The following ILKAP variants were observed in gnomAD, a reference collection of about 807,000 sequenced individuals.
ILKAP encodes integrin-linked kinase-associated serine/threonine phosphatase 2C.
Under a neutral mutation model 49.1 loss-of-function variants are expected in ILKAP, and 11 were observed. The observed-to-expected ratio is 0.22, with a 90% confidence interval of 0.14 to 0.37. The LOEUF is 0.37. Among genes scored for constraint, ILKAP ranks in the 10% least tolerant of loss-of-function variants. The probability of loss-of-function intolerance (pLI) is 1.00; values close to 1 mark genes in which losing one functional copy is unlikely to be tolerated. For synonymous variants in ILKAP, 186 were observed against 192.8 expected (o/e 0.96, Z 0.29); for missense variants, 363 against 510.8 (o/e 0.71, Z 2.79).
chr2:238,183,838 T>C, intron 7 of ILKAP, 98 bp from the exon 8 acceptor site: 1 of 1,031,192 alleles, frequency 9.7e-7, no homozygotes, highest in Non-Finnish European at 1.5e-6. Context: ...TATTTCAAAA[T>C]GAACCATTTC....
In ILKAP at chr2:238,203,664, G is replaced by C; in HGVS notation, c.-111C>G. 1 of 517,084 alleles carries C rather than the reference G, an allele frequency of 1.9e-6. No homozygotes were observed. The highest frequency in any genetic ancestry group is 2.1e-5 in the African/African-American group (1 of 48,252). 32.0% of individuals were successfully genotyped at this position (517,084 alleles called of 1,614,324 possible). A position where few individuals can be genotyped will look rare whatever the true frequency, so the allele number is the denominator to read the frequency against. On this transcript the variant is annotated 5_prime_UTR_variant, in exon 1 of 12. Coordinates refer to ENST00000254654, the MANE Select transcript of ILKAP (RefSeq NM_030768.3). ...CAGCGGGCGGGCGACGGGCAGGGGC[G>C]GCCGGCGCCGTCAGTCACCTGCAGG...
chr2:238,189,132 C>A (rs1462468315), intron 4 of ILKAP, among the ~76,000 whole-genome samples: 1 of 152,118 alleles, frequency 6.6e-6, no homozygotes, highest in Admixed American at 6.6e-5. Flanking sequence ...TCCTGGCTAA[C>A]ATGGTGAAAC....
intron 1 of ILKAP, among the ~76,000 whole-genome samples, chr2:238,200,146 C>A (rs1346152094): frequency 6.6e-6 from 1 of 152,202 alleles, no homozygotes. Context: ...ATCAGGTCGG[C>A]ACTTTTATGG....
intron 1 of ILKAP, among the ~76,000 whole-genome samples, chr2:238,201,955 T>C (rs1193772627): frequency 2.0e-5 from 3 of 152,194 alleles, no homozygotes; most frequent in African/African-American, 7.2e-5. Flanking sequence ...CAGGGCACGG[T>C]GGCTCACACC....
intron 9 of ILKAP, among the ~76,000 whole-genome samples, chr2:238,175,446 A>C (rs1019544543): frequency 1.3e-5 from 2 of 152,182 alleles, no homozygotes; most frequent in Admixed American, 1.3e-4. Flanking sequence ...GAACTGCTAG[A>C]GTAACAGGAG....
In ILKAP at chr2:238,175,808, G is replaced by A. The variant is rs1336306164; in HGVS notation, c.837-2155C>T. On this transcript the variant is annotated intron_variant, in intron 9 of 11. Coordinates refer to ENST00000254654, the MANE Select transcript of ILKAP (RefSeq NM_030768.3). Reference sequence around the variant, plus strand: ...TTTTGTTTTTAAGAGAAAAGGTCCTGCTATGTTGCCCAGACTGGAGTGCAG... The same window carrying A: ...TTTTGTTTTTAAGAGAAAAGGTCCTACTATGTTGCCCAGACTGGAGTGCAG... 2.0e-5 allele frequency among the ~76,000 whole-genome samples: 3 copies of A among 152,148 alleles called. No individual in the cohort carries two copies. The East Asian group carries it at 5.8e-4, about 29-fold the overall frequency.
At chr2:238,183,536 C>T (rs762572037) in intron 8 of ILKAP, 117 bp downstream of exon 8, 34 of 747,008 alleles carry the variant, frequency 4.6e-5, no homozygotes, top group Non-Finnish European at 6.7e-5. Flanking sequence ...GCAGCAACCC[C>T]AGAAGAAAGG....
chr2:238,181,780 G>A (rs1054691769), intron 9 of ILKAP, among the ~76,000 whole-genome samples: 5 of 152,110 alleles, frequency 3.3e-5, no homozygotes, highest in Non-Finnish European at 5.9e-5. Flanking sequence ...CCGCCACCAC[G>A]AAAAGTGACA....
At chr2:238,175,864 A>G (rs557768123) in intron 9 of ILKAP, among the ~76,000 whole-genome samples, 1 of 151,868 alleles carries the variant, frequency 6.6e-6, no homozygotes, top group East Asian at 1.9e-4. Flanking sequence ...GGCGCATTAT[A>G]GCTTCAAGCT....
chr2:238,181,710 C>T (rs764205703), intron 9 of ILKAP, among the ~76,000 whole-genome samples: 2 of 151,584 alleles, frequency 1.3e-5, no homozygotes, highest in African/African-American at 4.8e-5. Context: ...GCAAGCTCCG[C>T]CTCCCAGGTT....
Position 238,170,585 on chromosome 2 carries a change from C to G in ILKAP, c.1130G>C (p.Arg377Pro), listed in dbSNP as rs746328109. The G allele has an allele frequency of 6.2e-7, 1 of 1,608,192 alleles. No individual in the cohort carries two copies. The part of the protein sequence containing the change: ...CNRLANKAVQ[R>P]GSADNVTVMV... The stretch of plus-strand genomic sequence containing the variant: ...CACAGTGACGTTGTCGGCCGAGCCC[C>G]GCTGCACCGCCTTGTTGGCCAGCCT... Residue 377 changes from arginine (R) to proline (P), a missense_variant, in exon 12 of 12, where the codon CGG becomes CCG. Physicochemically the swap from Arg to Pro is moderately radical, Grantham distance 103 (BLOSUM62 -2). Transcript: ENST00000254654.
At chr2:238,193,651 A>G (rs62194900) in intron 3 of ILKAP, among the ~76,000 whole-genome samples, 42,251 of 152,174 alleles carry the variant, frequency 0.28, 6,263 homozygotes, top group South Asian at 0.37. Flanking sequence ...GAATTCTTAT[A>G]TAAGATGACT....
At chr2:238,179,099 A>G (rs1020113278) in intron 9 of ILKAP, among the ~76,000 whole-genome samples, 2 of 152,210 alleles carry the variant, frequency 1.3e-5, no homozygotes, top group African/African-American at 4.8e-5. Flanking sequence ...CACTGCACCC[A>G]GCCTGGATTT....
At position 238,170,958 on chromosome 2, in the gene ILKAP, G is replaced by C; in HGVS notation, c.1023C>G (p.Ile341Met). The change falls in exon 11 of 12, where the codon ATC (isoleucine) becomes ATG (methionine). Residue 341 changes from isoleucine to methionine, a missense_variant. Ile to Met is a conservative substitution (Grantham distance 10). Around this residue, in one of 3 missense-constraint regions of ILKAP, gnomAD observed 83 missense variants for 87.5 expected, o/e 0.95. Transcript: ENST00000254654. ...GATTTCTCACCTCGAGACAGGACAA[G>C]ATGAAGTTCACGGCTTCTTCTGGGG... Reference protein sequence around the residue: ...VFTPEEAVNFILSCLEDEKIQ... With the variant: ...VFTPEEAVNFMLSCLEDEKIQ... 6.2e-7 allele frequency: 1 copy of C among 1,613,938 alleles called. No individual in the cohort carries two copies. The highest frequency in any genetic ancestry group is 1.1e-5 in the South Asian group (1 of 91,070).
intron 1 of ILKAP, among the ~76,000 whole-genome samples, chr2:238,197,326 G>A (rs1168689710): frequency 6.6e-6 from 1 of 152,110 alleles, no homozygotes; most frequent in Non-Finnish European, 1.5e-5. Context: ...CCCGTTCTCC[G>A]GACAGACTCA....
chr2:238,182,328 G>C (rs574304640), intron 8 of ILKAP, 142 bp from the exon 9 acceptor site: 58 of 989,586 alleles, frequency 5.9e-5, no homozygotes, highest in African/African-American at 4.1e-4. Flanking sequence ...GCTGATAAAC[G>C]TAAGTTCAGA....
At position 238,197,251 on chromosome 2, in the gene ILKAP, C is replaced by T. The variant is rs537557444; in HGVS notation, c.56-2381G>A. Among the ~76,000 whole-genome samples, 3 of 152,198 alleles carry T rather than the reference C, an allele frequency of 2.0e-5. No individual in the cohort carries two copies. In the South Asian group the frequency reaches 6.2e-4, roughly 32 times the overall value. On this transcript the variant is annotated intron_variant, in intron 1 of 11. Transcript: ENST00000254654. Reference sequence around the variant, plus strand: ...ATTACTCAATGTATTAATCCACTTACAAGAATTCCTAATATCCCGAAGTAG... The same window carrying T: ...ATTACTCAATGTATTAATCCACTTATAAGAATTCCTAATATCCCGAAGTAG...
intron 3 of ILKAP, among the ~76,000 whole-genome samples, chr2:238,194,034 C>G (rs1694250366): frequency 6.6e-6 from 1 of 152,168 alleles, no homozygotes; most frequent in South Asian, 2.1e-4. Context: ...TTAGTGAACT[C>G]TTAATTCTTA....
At chr2:238,190,037 A>C in intron 3 of ILKAP, 65 bp from the exon 4 acceptor site, 1 of 1,565,390 alleles carries the variant, frequency 6.4e-7, no homozygotes, top group Non-Finnish European at 8.7e-7. Context: ...TCACTAGTAG[A>C]CTGGGCTTCA....
Sources: gnomAD v4.1 joint callset for allele counts (sites outside exome capture counted in the v4.1 genomes callset) on GRCh38, gnomAD v4.1.1 for gene constraint, gnomAD v4.1.1 regional missense constraint, MANE v1.5 for transcripts, NCBI Gene and HGNC (gene_info 2026-07-23, HGNC 2026-07-21) for gene names.